Variants in COG5 observed in about 807,000 individuals in gnomAD.
The protein encoded by COG5 is component of oligomeric golgi complex 5.
COG5 carries 86 observed loss-of-function variants against 110.4 expected under a neutral mutation model. The ratio of observed to expected loss-of-function variants is 0.78; its 90% confidence interval spans 0.65 to 0.93. The LOEUF (loss-of-function observed/expected upper bound fraction) is 0.93. Among genes scored for constraint, COG5 ranks in the 40% least tolerant of loss-of-function variants. The pLI is 0.00. For missense variants in COG5, 1,077 were observed against 987.0 expected (o/e 1.09, Z -1.22); for synonymous variants, 360 against 334.6 (o/e 1.08, Z -0.83).
At chr7:107,555,922 A>T (rs370021085) in intron 2 of COG5, among the ~76,000 whole-genome samples, 1 of 152,008 alleles carries the variant, frequency 6.6e-6, no homozygotes, top group East Asian at 1.9e-4. Flanking sequence ...GCTGAGGCAC[A>T]AGAATCATTT....
At chr7:107,561,830 G>T (rs1803797541) in intron 1 of COG5, among the ~76,000 whole-genome samples, 1 of 152,152 alleles carries the variant, frequency 6.6e-6, no homozygotes, top group Non-Finnish European at 1.5e-5. Context: ...CAAAAAATTA[G>T]CTAGGCATAG....
chr7:107,542,641 A>C (rs1802120134), intron 5 of COG5, among the ~76,000 whole-genome samples: 4 of 152,198 alleles, frequency 2.6e-5, no homozygotes, highest in Admixed American at 2.6e-4. Context: ...CAGAATATTC[A>C]TATAATGACA....
intron 14 of COG5, among the ~76,000 whole-genome samples, chr7:107,274,307 A>G (rs1304398618): frequency 6.6e-6 from 1 of 152,164 alleles, no homozygotes; most frequent in African/African-American, 2.4e-5. Context: ...CTGTCTCTAA[A>G]TATTAAAAAT....
At chr7:107,475,156 T>C (rs1796893719) in intron 6 of COG5, 3 of 1,609,884 alleles carry the variant, frequency 1.9e-6, no homozygotes, top group Non-Finnish European at 2.5e-6. Flanking sequence ...TCACCCTCTA[T>C]TATATGCATT....
At chr7:107,501,931 C>A (rs1798662464) in intron 6 of COG5, among the ~76,000 whole-genome samples, 1 of 152,062 alleles carries the variant, frequency 6.6e-6, no homozygotes, top group Non-Finnish European at 1.5e-5. Flanking sequence ...TTGTCACACA[C>A]AAAAAACTTC....
intron 6 of COG5, among the ~76,000 whole-genome samples, chr7:107,458,919 T>A (rs1795823067): frequency 6.6e-6 from 1 of 151,322 alleles, no homozygotes; most frequent in Non-Finnish European, 1.5e-5. Context: ...TATACATATA[T>A]TATATGTACA....
chr7:107,560,315 G>A (rs1803674869), intron 1 of COG5, among the ~76,000 whole-genome samples: 2 of 152,130 alleles, frequency 1.3e-5, no homozygotes, highest in Non-Finnish European at 2.9e-5. Context: ...TATGTTAACA[G>A]CCTAAGACAT....
intron 1 of COG5, 57 bp from the exon 2 acceptor site, chr7:107,558,172 T>G: frequency 1.3e-6 from 2 of 1,535,286 alleles, no homozygotes; most frequent in Non-Finnish European, 1.8e-6. Flanking sequence ...AAACCAGTTA[T>G]TAAACAACAG....
At chr7:107,321,234 T>A (rs147758180) in intron 11 of COG5, among the ~76,000 whole-genome samples, 1 of 152,052 alleles carries the variant, frequency 6.6e-6, no homozygotes, top group Non-Finnish European at 1.5e-5. Context: ...TCAAAATATA[T>A]AAAACAGTGA....
intron 11 of COG5, among the ~76,000 whole-genome samples, chr7:107,303,456 C>T (rs186581708): frequency 5.3e-5 from 8 of 152,184 alleles, no homozygotes; most frequent in African/African-American, 1.4e-4. Flanking sequence ...GAGACAAGGT[C>T]TCAGTCTGTC....
In COG5 at chr7:107,248,397, C is replaced by G; in HGVS notation, c.1852G>C (p.Gly618Arg). 3.1e-6 allele frequency: 5 copies of G among 1,597,270 alleles called. No homozygotes were observed. The highest frequency in any genetic ancestry group is 4.3e-6 in the Non-Finnish European group (5 of 1,165,596). Reference protein sequence around the residue: ...IITMHQEDFSGSLSSSGKPDV... With the variant: ...IITMHQEDFSRSLSSSGKPDV... The stretch of plus-strand genomic sequence containing the variant: ...AAAAATTTGGTTAGAAGTAATTACC[C>G]AGAAAAGTCTTCTTGATGCATGGTG... Residue 618 changes from glycine to arginine, a missense_variant and splice_region_variant, in exon 17 of 22, where the codon GGG (glycine) becomes CGG (arginine). Gly to Arg is a moderately radical substitution (Grantham distance 125, BLOSUM62 -2). Coordinates refer to ENST00000297135, the MANE Select transcript of COG5 (RefSeq NM_006348.5).
At chr7:107,366,652 A>G (rs1813652208) in intron 8 of COG5, among the ~76,000 whole-genome samples, 1 of 152,144 alleles carries the variant, frequency 6.6e-6, no homozygotes, top group Non-Finnish European at 1.5e-5. Context: ...GATTAGTCTC[A>G]TAATTCTCTA....
chr7:107,244,816 T>C (rs1228329377), intron 17 of COG5, among the ~76,000 whole-genome samples: 1 of 152,136 alleles, frequency 6.6e-6, no homozygotes, highest in East Asian at 1.9e-4. Flanking sequence ...AATTGCTGAC[T>C]AACTAAAAAA....
intron 21 of COG5, 22 bp from the exon 22 acceptor site, chr7:107,203,652 A>G: frequency 7.1e-7 from 1 of 1,399,498 alleles, no homozygotes; most frequent in African/African-American, 1.4e-5. Context: ...AATGAAAACA[A>G]TGTCAAAATA....
chr7:107,267,557 A>G (rs1372146362), intron 14 of COG5, among the ~76,000 whole-genome samples: 1 of 152,232 alleles, frequency 6.6e-6, no homozygotes, highest in Admixed American at 6.5e-5. Flanking sequence ...ATTTATTAAC[A>G]ACTTAAACAA....
intron 10 of COG5, among the ~76,000 whole-genome samples, chr7:107,335,330 C>T (rs955759030): frequency 2.0e-5 from 3 of 152,062 alleles, no homozygotes; most frequent in Non-Finnish European, 1.5e-5. Context: ...GTGGAGGTTG[C>T]GGTGAGCTGA....
intron 6 of COG5, chr7:107,470,053 G>A (rs1289148789): frequency 6.6e-6 from 1 of 152,180 alleles, no homozygotes; most frequent in Admixed American, 6.6e-5. Flanking sequence ...CGACAAGGTA[G>A]GCTGTCATTC....
intron 16 of COG5, among the ~76,000 whole-genome samples, chr7:107,251,685 A>G (rs1291569437): frequency 6.6e-6 from 1 of 152,220 alleles, no homozygotes; most frequent in Non-Finnish European, 1.5e-5. Context: ...AGATACAAGT[A>G]TAACACAGAA....
chr7:107,450,990 T>C (rs1334499986), intron 6 of COG5, among the ~76,000 whole-genome samples: 1 of 152,182 alleles, frequency 6.6e-6, no homozygotes, highest in Non-Finnish European at 1.5e-5. Flanking sequence ...ATAAGGACCT[T>C]TAAGGCTCAT....
Sources: allele counts gnomAD v4.1 joint callset (sites outside exome capture counted in the v4.1 genomes callset), GRCh38; gene constraint gnomAD v4.1.1; transcripts MANE v1.5; gene names NCBI Gene and HGNC (gene_info 2026-07-23, HGNC 2026-07-21).